LIPA: variants seen among roughly 807,000 people sequenced by gnomAD.
LIPA encodes the protein lysosomal acid lipase/cholesteryl ester hydrolase.
A neutral mutation model predicts 40.6 loss-of-function variants in LIPA; 26 were observed. The ratio of observed to expected loss-of-function variants is 0.64; its 90% confidence interval spans 0.47 to 0.89. The LOEUF (loss-of-function observed/expected upper bound fraction) is 0.89, where lower values mean the gene tolerates loss of function less well. Ranked by LOEUF, LIPA falls within the 40% of genes least tolerant of loss-of-function variation. The pLI, the probability that LIPA is intolerant of heterozygous loss-of-function variation, is 0.00. For synonymous variants in LIPA, 188 were observed against 168.4 expected (o/e 1.12, Z -0.90); for missense variants, 455 against 479.6 (o/e 0.95, Z 0.48).
At chr10:89,340,770 C>G (rs1268846981) in intron 1 of LIPA, 1 of 152,090 alleles carries the variant, frequency 6.6e-6, no homozygotes, top group Non-Finnish European at 1.5e-5. Context: ...GACTGCCTAA[C>G]AACAAAATTT....
chr10:89,356,271 C>T (rs945780783), intron 2 of LIPA, among the ~76,000 whole-genome samples: 2 of 152,124 alleles, frequency 1.3e-5, no homozygotes, highest in African/African-American at 4.8e-5. Context: ...TGGGATGCTA[C>T]TCTTCCAGCA....
At chr10:89,402,672 C>A in intron 2 of LIPA, 1 of 1,614,180 alleles carries the variant, frequency 6.2e-7, no homozygotes. Context: ...AAATCCCTTC[C>A]GCTATAGAAT....
intron 2 of LIPA, among the ~76,000 whole-genome samples, chr10:89,388,304 C>G (rs888488575): frequency 3.3e-5 from 5 of 152,134 alleles, no homozygotes; most frequent in Admixed American, 6.5e-5. Context: ...CAGGGTTTTG[C>G]CATGTTGGCC....
intron 1 of LIPA, among the ~76,000 whole-genome samples, chr10:89,304,277 C>T (rs374436144): frequency 3.2e-4 from 44 of 136,070 alleles, no homozygotes; most frequent in African/African-American, 1.2e-3. Context: ...GCGGGAGCCC[C>T]GGAGAGTGCT....
At chr10:89,392,795 T>C (rs990275561) in intron 2 of LIPA, 34 of 1,450,294 alleles carry the variant, frequency 2.3e-5, no homozygotes, top group Non-Finnish European at 3.2e-5. Flanking sequence ...TTCAACAGGT[T>C]AGATCTCAGT....
chr10:89,286,856 G>A (rs939809463), intron 1 of LIPA, among the ~76,000 whole-genome samples: 2 of 152,168 alleles, frequency 1.3e-5, no homozygotes, highest in African/African-American at 4.8e-5. Context: ...GCAATTCCTT[G>A]CCTCCACTGT....
intron 1 of LIPA, among the ~76,000 whole-genome samples, chr10:89,294,712 T>G (rs941562984): frequency 1.3e-5 from 2 of 152,180 alleles, no homozygotes; most frequent in African/African-American, 4.8e-5. Flanking sequence ...CTGTGGCTTA[T>G]GCCTGTAATC....
At chr10:89,365,518 C>T (rs766106778) in intron 2 of LIPA, among the ~76,000 whole-genome samples, 1 of 152,114 alleles carries the variant, frequency 6.6e-6, no homozygotes, top group East Asian at 1.9e-4. Flanking sequence ...GACATGAAAT[C>T]CTTGCCCATG....
chr10:89,356,973 G>A (rs554501988), intron 2 of LIPA, among the ~76,000 whole-genome samples: 1 of 152,132 alleles, frequency 6.6e-6, no homozygotes, highest in Non-Finnish European at 1.5e-5. Context: ...CAGAGGTTGG[G>A]GGATGGGGCT....
At chr10:89,295,005 G>GGAAATGAAAT in intron 1 of LIPA, among the ~76,000 whole-genome samples, 2 of 85,496 alleles carry the variant, frequency 2.3e-5, no homozygotes, top group African/African-American at 8.9e-5. Flanking sequence ...AAGGAAGAAA[G>GGAAATGAAAT]GAAAGGAAAT....
Position 89,394,629 on chromosome 10 carries a change from A to ATATATATAT in LIPA, c.61+18161_61+18162insATATATATA, listed in dbSNP as rs1429080862. ...ATATATATATATATATATATATATAAAACTTGAATTTTATTCAGGTTAGCA... is the reference window on the plus strand; with the variant it reads ...ATATATATATATATATATATATATAATATATATATAACTTGAATTTTATTCAGGTTAGCA... On this transcript the variant is annotated intron_variant, in intron 2 of 8. Coordinates refer to the LIPA transcript ENST00000371837. 4.2e-4 allele frequency among the ~76,000 whole-genome samples: 11 copies of ATATATATAT among 26,248 alleles called. 1 individual carries two copies. The highest frequency in any genetic ancestry group is 1.5e-3 in the African/African-American group (9 of 5,940). The allele number at this position is 26,248 out of a possible 152,430, so 17.2% of individuals were successfully genotyped here.
chr10:89,320,860 C>A (rs1189224406), intron 1 of LIPA, among the ~76,000 whole-genome samples: 1 of 151,598 alleles, frequency 6.6e-6, no homozygotes, highest in Non-Finnish European at 1.5e-5. Context: ...GTACTGGTAC[C>A]AAAACAGAGA....
At chr10:89,256,849 A>G (rs1703509865) in intron 1 of LIPA, among the ~76,000 whole-genome samples, 1 of 152,214 alleles carries the variant, frequency 6.6e-6, no homozygotes, top group South Asian at 2.1e-4. Context: ...GATTTCTCCT[A>G]CTTCCTGCTT....
At position 89,393,380 on chromosome 10, in the gene LIPA, A is replaced by T. The variant is rs1266725210; in HGVS notation, c.61+19411T>A. The T allele has an allele frequency of 2.9e-6, 3 of 1,038,390 alleles. 1 individual carries two copies. Among genetic ancestry groups the T allele is most frequent in the Non-Finnish European group, 3.8e-6 (3 of 790,222 alleles). 64.3% of individuals were successfully genotyped at this position (1,038,390 alleles called of 1,614,324 possible). ...TGAAGATGATCCACATCTGCTTGGG[A>T]AGATCCGTATCTTCCTTACCTAAAG... is the stretch of plus-strand genomic sequence containing the variant. On this transcript the variant is annotated intron_variant, in intron 2 of 8. Transcript: ENST00000371837.
At chr10:89,256,135 G>C (rs999311039), upstream of LIPA, among the ~76,000 whole-genome samples, 10 of 152,158 alleles carry the variant, frequency 6.6e-5, no homozygotes, top group African/African-American at 2.4e-4. Context: ...GGCTAAAGGT[G>C]GCTGACACAA....
At chr10:89,227,187 C>T (rs962677026) in intron 4 of LIPA, among the ~76,000 whole-genome samples, 183 bp from the exon 5 acceptor site, 51 of 152,210 alleles carry the variant, frequency 3.4e-4, no homozygotes, top group Non-Finnish European at 1.6e-4. Flanking sequence ...AGTTGTGTCT[C>T]CCAAAAGTAA....
intron 1 of LIPA, chr10:89,301,932 T>G: frequency 1.9e-6 from 1 of 528,348 alleles, no homozygotes; most frequent in South Asian, 2.7e-5. Context: ...AAAAGAGTCC[T>G]GCCAATTTCA....
chr10:89,361,071 G>T (rs997923654), intron 2 of LIPA, among the ~76,000 whole-genome samples: 5 of 152,052 alleles, frequency 3.3e-5, no homozygotes, highest in African/African-American at 1.2e-4. Flanking sequence ...CTCCCAATGT[G>T]CTCATCTTTG....
In LIPA at chr10:89,214,077, T is replaced by G. The variant is rs893213490; in HGVS notation, c.*751A>C. The G allele has an allele frequency of 1.3e-5, 2 of 152,222 alleles. No individual in the cohort carries two copies. The highest frequency in any genetic ancestry group is 2.9e-5 in the Non-Finnish European group (2 of 68,034). The allele number at this position is 152,222 out of a possible 1,614,324, so 9.4% of individuals were successfully genotyped here. On this transcript the variant is annotated 3_prime_UTR_variant, in exon 10 of 10. Transcript: ENST00000336233. ...AGATAAGTAGAACTATGGCCTGCCATGAAATTGAGAGCTCATGAATATAGA... is the reference window on the plus strand; with the variant it reads ...AGATAAGTAGAACTATGGCCTGCCAGGAAATTGAGAGCTCATGAATATAGA...
Sources: allele counts gnomAD v4.1 joint callset (sites outside exome capture counted in the v4.1 genomes callset), GRCh38; gene constraint gnomAD v4.1.1; transcripts MANE v1.5; gene names NCBI Gene and HGNC (gene_info 2026-07-23, HGNC 2026-07-21).